Variants in METTL9 observed in about 807,000 individuals in gnomAD.
METTL9 encodes the protein protein-L-histidine N-pros-methyltransferase.
Under a neutral mutation model 36.0 loss-of-function variants are expected in METTL9, and 10 were observed. That is an observed-to-expected ratio of 0.28 (90% confidence interval 0.17 to 0.47). The LOEUF (loss-of-function observed/expected upper bound fraction) is 0.47. METTL9 is among the 20% of genes least tolerant of loss of function. METTL9 has a pLI of 0.99. For synonymous variants in METTL9, 175 were observed against 149.7 expected, an observed-to-expected ratio of 1.17 and a Z score of -1.23; for missense variants, 246 against 383.5, an observed-to-expected ratio of 0.64 and a Z score of 3.00.
Position 21,618,720 on chromosome 16 carries a change from C to T in METTL9, c.566+646C>T, listed in dbSNP as rs913196564. ...CCAAAATTTTCTTTTCTTTTCTTTT[C>T]TTTTTTTTTTTGAGATGGAGTCTTG... is the stretch of plus-strand genomic sequence containing the variant. On this transcript the variant is annotated intron_variant, in intron 3 of 4. Transcript: ENST00000358154. 1.8e-4 allele frequency among the ~76,000 whole-genome samples: 26 copies of T among 146,040 alleles called. No homozygotes were observed. The East Asian group carries it at 3.4e-3, about 19-fold the overall frequency.
At chr16:21,652,789 T>G in intron 4 of METTL9, 1 of 486,688 alleles carries the variant, frequency 2.1e-6, no homozygotes, top group Non-Finnish European at 3.7e-6. Context: ...TTTAGAAATG[T>G]GCATATCTTT....
chr16:21,612,059 C>T (rs974713529), intron 1 of METTL9: 44 of 152,110 alleles, frequency 2.9e-4, no homozygotes, highest in African/African-American at 1.0e-3. Flanking sequence ...GTAAAGCATA[C>T]CTCAAGATTT....
chr16:21,603,914 G>A (rs1011854535), intron 1 of METTL9, among the ~76,000 whole-genome samples: 1 of 152,060 alleles, frequency 6.6e-6, no homozygotes, highest in Non-Finnish European at 1.5e-5. Flanking sequence ...TCAGAACTGC[G>A]CTATGCCACA....
In METTL9 at chr16:21,655,515, G is replaced by T; in HGVS notation, c.*83G>T. 9 of 1,206,954 alleles carry T rather than the reference G, an allele frequency of 7.5e-6. No individual in the cohort carries two copies. 74.8% of individuals were successfully genotyped at this position (1,206,954 alleles called of 1,614,324 possible). The stretch of plus-strand genomic sequence containing the variant: ...GGGTCTGTGTTCACAATTACGTGAA[G>T]GGAGGACCCTTGGGGACCGCCATTC... On this transcript the variant is annotated 3_prime_UTR_variant, in exon 5 of 5. Transcript: ENST00000358154.
chr16:21,624,553 C>T (rs1965777389), intron 3 of METTL9, among the ~76,000 whole-genome samples: 1 of 151,828 alleles, frequency 6.6e-6, no homozygotes, highest in African/African-American at 2.4e-5. Context: ...GTGGTAAAAC[C>T]CCGTCTCTAC....
intron 1 of METTL9, among the ~76,000 whole-genome samples, chr16:21,600,251 G>T (rs1406225970): frequency 6.6e-6 from 1 of 152,200 alleles, no homozygotes. Flanking sequence ...GTGGCTGGGG[G>T]CGCCCGCCTG....
rs1375542626 is a variant in METTL9 at position 21,650,273 on chromosome 16, G to A, written c.752-4954G>A. On this transcript the variant is annotated intron_variant, in intron 4 of 4. Transcript: ENST00000358154. ...TGTAATCCCAGCACTTTGGGATGCC[G>A]AGGCGGGCAGATCACCTGAGGTCAG... 1.1e-4 allele frequency among the ~76,000 whole-genome samples: 17 copies of A among 152,292 alleles called. 1 individual carries two copies. The highest frequency in any genetic ancestry group is 3.6e-4 in the African/African-American group (15 of 41,562).
intron 1 of METTL9, chr16:21,611,958 G>T (rs1183412548): frequency 6.6e-6 from 1 of 152,106 alleles, no homozygotes; most frequent in East Asian, 1.9e-4. Flanking sequence ...TTACTATTTG[G>T]TCTTCTCGTT....
chr16:21,600,021 C>T (rs1965070652), intron 1 of METTL9, 123 bp downstream of exon 1: 6 of 910,028 alleles, frequency 6.6e-6, no homozygotes, highest in Non-Finnish European at 8.4e-6. Context: ...CCGCCTCGGC[C>T]CCTTGGAAAG....
At chr16:21,607,994 C>G (rs1264682016) in intron 1 of METTL9, among the ~76,000 whole-genome samples, 1 of 152,086 alleles carries the variant, frequency 6.6e-6, no homozygotes, top group Non-Finnish European at 1.5e-5. Flanking sequence ...ACTAAAAATA[C>G]AAAAATTAGC....
rs1024272591 is a variant in METTL9 at position 21,656,487 on chromosome 16, G to T, written c.*1055G>T. The T allele has an allele frequency of 6.6e-6, 1 of 152,096 alleles. No individual in the cohort carries two copies. The highest frequency in any genetic ancestry group is 1.5e-5 in the Non-Finnish European group (1 of 68,032). The allele number at this position is 152,096 out of a possible 1,614,324, so 9.4% of individuals were successfully genotyped here. On this transcript the variant is annotated 3_prime_UTR_variant, in exon 5 of 5. Transcript: ENST00000358154. ...GTCAGACTCATGCATTCTGGAATCCGTGAGTGCCTCCAACCATAAACCCAG... is the reference window on the plus strand; with the variant it reads ...GTCAGACTCATGCATTCTGGAATCCTTGAGTGCCTCCAACCATAAACCCAG...
At chr16:21,636,891 C>T (rs534968184) in intron 4 of METTL9, among the ~76,000 whole-genome samples, 39 of 152,106 alleles carry the variant, frequency 2.6e-4, no homozygotes, top group Non-Finnish European at 5.4e-4. Flanking sequence ...TACCGCTTGG[C>T]GATAGGCGAT....
chr16:21,640,976 T>C (rs1234519324), intron 4 of METTL9: 1 of 152,174 alleles, frequency 6.6e-6, no homozygotes, highest in Non-Finnish European at 1.5e-5. Context: ...CTCTAGCCAC[T>C]ATATTATTCT....
At position 21,643,624 on chromosome 16, in the gene METTL9, T is replaced by C. The variant is rs759311411; in HGVS notation, c.752-11603T>C. The C allele has an allele frequency of 7.8e-6, 12 of 1,535,402 alleles. No homozygotes were observed. The Admixed American group carries it at 2.1e-4, about 27-fold the overall frequency. The stretch of plus-strand genomic sequence containing the variant: ...CTGCCAAGAAGAGAAGGAAAGTCTA[T>C]GAAACATTTTATGTACTCATAACAA... On this transcript the variant is annotated intron_variant, in intron 4 of 4. Coordinates refer to ENST00000358154, the MANE Select transcript of METTL9 (RefSeq NM_016025.5).
At chr16:21,629,140 C>T (rs1014160633) in intron 4 of METTL9, among the ~76,000 whole-genome samples, 4 of 152,052 alleles carry the variant, frequency 2.6e-5, no homozygotes, top group African/African-American at 9.7e-5. Context: ...GTGATGCCCC[C>T]TCAGTCTCCC....
chr16:21,600,425 G>A (rs1053871468), intron 1 of METTL9, among the ~76,000 whole-genome samples: 3 of 152,226 alleles, frequency 2.0e-5, no homozygotes, highest in Non-Finnish European at 4.4e-5. Context: ...AGGCTGATTG[G>A]GGTGACATTT....
chr16:21,641,489 C>T lies in METTL9; in HGVS notation c.752-13738C>T, dbSNP rs368983016. On this transcript the variant is annotated intron_variant, in intron 4 of 4. Transcript: ENST00000358154. ...TATGTTCATTAACACTGCCATAGCTCCTGGAGTTGGATTTTCAGTGACTTC... is the reference window on the plus strand; with the variant it reads ...TATGTTCATTAACACTGCCATAGCTTCTGGAGTTGGATTTTCAGTGACTTC... The T allele has an allele frequency of 2.3e-5, 27 of 1,166,884 alleles. No individual in the cohort carries two copies. The African/African-American group carries it at 3.3e-4, about 14-fold the overall frequency. The allele number at this position is 1,166,884 out of a possible 1,614,324, so 72.3% of individuals were successfully genotyped here.
In METTL9 at chr16:21,656,643, A is replaced by G. The variant is rs1966717658; in HGVS notation, c.*1211A>G. On this transcript the variant is annotated 3_prime_UTR_variant, in exon 5 of 5. Coordinates refer to ENST00000358154, the MANE Select transcript of METTL9 (RefSeq NM_016025.5). Reference sequence around the variant, plus strand: ...TGTCAATATGAGATTGTGGTTATTAACAATATGTTATCCTCACTACTTTAT... The same window carrying G: ...TGTCAATATGAGATTGTGGTTATTAGCAATATGTTATCCTCACTACTTTAT... 6.6e-6 allele frequency: 1 copy of G among 152,216 alleles called. No homozygotes were observed. Among genetic ancestry groups the G allele is most frequent in the Admixed American group, 6.5e-5 (1 of 15,272 alleles). 9.4% of individuals were successfully genotyped at this position (152,216 alleles called of 1,614,324 possible). A position where few individuals can be genotyped will look rare whatever the true frequency, so the allele number is the denominator to read the frequency against.
chr16:21,611,112 AAC>A (rs1965415525), intron 1 of METTL9, among the ~76,000 whole-genome samples: 1 of 152,206 alleles, frequency 6.6e-6, no homozygotes, highest in South Asian at 2.1e-4. Context: ...GAAAAATAAA[AAC>A]AGTTTTATAT....
Sources: allele counts gnomAD v4.1 joint callset (sites outside exome capture counted in the v4.1 genomes callset), GRCh38; gene constraint gnomAD v4.1.1; transcripts MANE v1.5; gene names NCBI Gene and HGNC (gene_info 2026-07-23, HGNC 2026-07-21).